The following PREP variants were observed in gnomAD, a reference collection of about 807,000 sequenced individuals.
PREP encodes dJ355L5.1 (prolyl endopeptidase).
A neutral mutation model predicts 87.6 loss-of-function variants in PREP; 29 were observed. That is an observed-to-expected ratio of 0.33 (90% CI 0.25 to 0.45). The LOEUF is 0.45. Among genes scored for constraint, PREP ranks in the 20% least tolerant of loss-of-function variants. The pLI is 1.00. For synonymous variants in PREP, 337 were observed against 328.6 expected (o/e 1.03, Z -0.28); for missense variants, 695 against 886.5 (o/e 0.78, Z 2.74).
chr6:105,346,912 C>G (rs574711684), intron 7 of PREP, among the ~76,000 whole-genome samples: 24 of 152,270 alleles, frequency 1.6e-4, no homozygotes, highest in African/African-American at 5.8e-4. Context: ...ACCAGCCTGG[C>G]CAACATGGCG....
chr6:105,375,812 G>A (rs912150021), intron 4 of PREP, among the ~76,000 whole-genome samples: 4 of 152,128 alleles, frequency 2.6e-5, no homozygotes, highest in South Asian at 2.1e-4. Flanking sequence ...CTAATCACAG[G>A]TAGGTCTCAG....
chr6:105,325,732 T>C (rs1771137733), intron 9 of PREP, among the ~76,000 whole-genome samples: 1 of 152,224 alleles, frequency 6.6e-6, no homozygotes, highest in African/African-American at 2.4e-5. Flanking sequence ...TTGTGTCCCA[T>C]CTGATTTGGC....
chr6:105,284,813 A>C (rs1389801634), intron 12 of PREP, among the ~76,000 whole-genome samples: 1 of 152,222 alleles, frequency 6.6e-6, no homozygotes, highest in Non-Finnish European at 1.5e-5. Context: ...ACGATCATTC[A>C]AAAAAATTGT....
intron 5 of PREP, among the ~76,000 whole-genome samples, chr6:105,371,294 G>C (rs1351623489): frequency 1.3e-5 from 2 of 152,038 alleles, no homozygotes; most frequent in Non-Finnish European, 1.5e-5. Context: ...CACAAGGTCA[G>C]GAGTTCAAGA....
chr6:105,275,068 C>T lies in PREP; in HGVS notation c.*3076G>A, dbSNP rs17467544. ...GGAGGATGAGAATGGCTCAATGTTCCTCCTTCAAGGGCCTCAGTCCTCATC... is the reference window on the plus strand; with the variant it reads ...GGAGGATGAGAATGGCTCAATGTTCTTCCTTCAAGGGCCTCAGTCCTCATC... On this transcript the variant is annotated 3_prime_UTR_variant, in exon 15 of 15. Transcript: ENST00000652536. Among the ~76,000 whole-genome samples, 10,556 of 152,266 alleles carry T rather than the reference C, an allele frequency of 0.069. 456 individuals are homozygous for T. Among genetic ancestry groups the T allele is most frequent in the Admixed American group, 0.12 (1,836 of 15,292 alleles).
At chr6:105,303,013 C>T (rs1047624290) in intron 10 of PREP, among the ~76,000 whole-genome samples, 1 of 152,088 alleles carries the variant, frequency 6.6e-6, no homozygotes, top group African/African-American at 2.4e-5. Context: ...AATCTGAGCA[C>T]CTGTTACCAG....
At position 105,328,911 on chromosome 6, in the gene PREP, G is replaced by A. The variant is rs138472982; in HGVS notation, c.1131C>T (p.Leu377=). 4.6e-5 allele frequency: 74 copies of A among 1,614,100 alleles called. No individual in the cohort carries two copies. In the African/African-American group the frequency reaches 7.1e-4, roughly 15 times the overall value. ...TGTACCCTACAATGCTGCCGACATC[G>A]AGCGGGAAGGTCTTAAGGAGAGCAC... is the stretch of plus-strand genomic sequence containing the variant. ...TTGALLKTFP[L]DVGSIVGYSG... The change falls in exon 9 of 15, where the codon CTC becomes CTT. Residue 377 remains leucine, a synonymous_variant. Transcript: ENST00000652536.
At chr6:105,285,636 C>T (rs2114613554) in intron 11 of PREP, 56 bp from the exon 12 acceptor site, 1 of 1,409,498 alleles carries the variant, frequency 7.1e-7, no homozygotes, top group Non-Finnish European at 1.0e-6. Context: ...AAGACCATGC[C>T]CTCTCTCTCC....
chr6:105,343,365 CA>C (rs1771712944), intron 7 of PREP, among the ~76,000 whole-genome samples: 1 of 152,114 alleles, frequency 6.6e-6, no homozygotes, highest in South Asian at 2.1e-4. Flanking sequence ...ATACCTTATA[CA>C]AAAATTAATT....
At position 105,277,805 on chromosome 6, in the gene PREP, T is replaced by C. The variant is rs1769978518; in HGVS notation, c.*339A>G. The C allele has an allele frequency of 3.5e-6, 1 of 287,132 alleles. No homozygotes were observed. The highest frequency in any genetic ancestry group is 6.5e-6 in the Non-Finnish European group (1 of 152,688). 17.8% of individuals were successfully genotyped at this position (287,132 alleles called of 1,614,324 possible). On this transcript the variant is annotated 3_prime_UTR_variant, in exon 15 of 15. Coordinates refer to ENST00000652536, the MANE Select transcript of PREP (RefSeq NM_002726.5). ...CATTTATTTAAAGATATAGAGGTTA[T>C]GGATATAGATAAGTATGCCCGACTA...
intron 10 of PREP, chr6:105,302,908 G>C: frequency 4.4e-6 from 1 of 225,930 alleles, no homozygotes; most frequent in African/African-American, 2.3e-5. Context: ...GCTTACCTCA[G>C]GTCCGGAGCT....
chr6:105,382,154 G>A (rs566595903), intron 2 of PREP, among the ~76,000 whole-genome samples: 18 of 152,070 alleles, frequency 1.2e-4, no homozygotes, highest in African/African-American at 4.1e-4. Context: ...GGGGTTGGGG[G>A]AGATGTTGGT....
intron 1 of PREP, among the ~76,000 whole-genome samples, chr6:105,401,364 GGAACACTGCAGAGCTAGACT>G (rs1773426516): frequency 6.6e-6 from 1 of 152,152 alleles, no homozygotes; most frequent in Non-Finnish European, 1.5e-5. Context: ...TTACTAGTCT[GGAACACTGCAGAGCTAGACT>G]GTCACATGAA....
At chr6:105,283,487 A>G (rs983754105) in intron 12 of PREP, among the ~76,000 whole-genome samples, 4 of 152,240 alleles carry the variant, frequency 2.6e-5, no homozygotes, top group African/African-American at 9.6e-5. Flanking sequence ...TTAAAGATAA[A>G]GCAGTCCTAC....
chr6:105,306,131 C>T (rs1770649623), intron 10 of PREP, among the ~76,000 whole-genome samples: 1 of 152,144 alleles, frequency 6.6e-6, no homozygotes. Flanking sequence ...GCGTGAGCCA[C>T]CTTGCCCAGC....
chr6:105,398,890 T>G (rs1018910175), intron 1 of PREP, among the ~76,000 whole-genome samples: 1 of 152,114 alleles, frequency 6.6e-6, no homozygotes, highest in Non-Finnish European at 1.5e-5. Flanking sequence ...GGCGGATCAC[T>G]TGAGGTCAGG....
At chr6:105,289,066 T>C (rs778978139) in intron 10 of PREP, among the ~76,000 whole-genome samples, 172 bp from the exon 11 acceptor site, 2 of 152,220 alleles carry the variant, frequency 1.3e-5, no homozygotes, top group Non-Finnish European at 2.9e-5. Flanking sequence ...ATGGAGAGAA[T>C]GTAGAACAGT....
chr6:105,328,719 T>A (rs967366154), intron 9 of PREP, 110 bp downstream of exon 9: 1 of 1,191,180 alleles, frequency 8.4e-7, no homozygotes, highest in Admixed American at 2.1e-5. Flanking sequence ...TTGGCTATAA[T>A]ACAGCATATG....
intron 6 of PREP, among the ~76,000 whole-genome samples, chr6:105,353,771 C>CAAAAAAAAA (rs397824826): frequency 2.8e-5 from 2 of 71,052 alleles, no homozygotes; most frequent in African/African-American, 8.5e-5. Flanking sequence ...GACTCCATCT[C>CAAAAAAAAA]AAAAAAAAAA....
Sources: gnomAD v4.1 joint callset for allele counts (sites outside exome capture counted in the v4.1 genomes callset) on GRCh38, gnomAD v4.1.1 for gene constraint, MANE v1.5 for transcripts, NCBI Gene and HGNC (gene_info 2026-07-23, HGNC 2026-07-21) for gene names.